The following MEGF8 variants were observed in gnomAD, a reference collection of about 807,000 sequenced individuals.
MEGF8 encodes multiple EGF like domains 8, also known as multiple epidermal growth factor-like domains protein 8.
A neutral mutation model predicts 302.9 loss-of-function variants in MEGF8; 156 were observed. The observed-to-expected ratio is 0.52, with a 90% CI of 0.45 to 0.59. The LOEUF (loss-of-function observed/expected upper bound fraction) is 0.59, where lower values mean the gene tolerates loss of function less well. Among genes scored for constraint, MEGF8 ranks in the 20% least tolerant of loss-of-function variants. The probability of loss-of-function intolerance (pLI) is 0.00; values close to 1 mark genes in which losing one functional copy is unlikely to be tolerated. For missense variants in MEGF8, 3,345 were observed against 3,964.5 expected (o/e 0.84, Z 4.20); for synonymous variants, 1,621 against 1,660.5 (o/e 0.98, Z 0.58).
chr19:42,342,745 C>T (rs887068167), intron 8 of MEGF8, among the ~76,000 whole-genome samples: 2 of 152,170 alleles, frequency 1.3e-5, no homozygotes, highest in African/African-American at 4.8e-5. Context: ...CCATTTCTCA[C>T]TCAATTTTTC....
At position 42,368,437 on chromosome 19, in the gene MEGF8, CCCCTCCCCCCCATA is replaced by C; in HGVS notation, c.6274-16_6274-3del. 2 of 1,463,080 alleles carry C rather than the reference CCCCTCCCCCCCATA, an allele frequency of 1.4e-6. No individual in the cohort carries two copies. The highest frequency in any genetic ancestry group is 9.4e-7 in the Non-Finnish European group (1 of 1,060,118). 90.6% of individuals were successfully genotyped at this position (1,463,080 alleles called of 1,614,324 possible). On this transcript the variant is annotated splice_region_variant and splice_polypyrimidine_tract_variant and intron_variant, in intron 35 of 41. Coordinates refer to ENST00000251268, the MANE Select transcript of MEGF8 (RefSeq NM_001271938.2). This position sits in a 1 kb window ranked among gnomAD's most constrained non-coding sequence, Gnocchi z 4.9. ...ATCTCTCTCTTCCCTGCATCCCCATCCCCTCCCCCCCATACAGTGTCTGAGCCCTTCCTACCTGC... is the reference window on the plus strand; with the variant it reads ...ATCTCTCTCTTCCCTGCATCCCCATCCAGTGTCTGAGCCCTTCCTACCTGC...
At position 42,354,896 on chromosome 19, in the gene MEGF8, C is replaced by A. The variant is rs897463063; in HGVS notation, c.4144+176C>A. Among the ~76,000 whole-genome samples the A allele has an allele frequency of 6.6e-6, 1 of 152,006 alleles. No homozygotes were observed. The highest frequency in any genetic ancestry group is 2.1e-4 in the South Asian group (1 of 4,810). On this transcript the variant is annotated intron_variant, in intron 23 of 41. Transcript: ENST00000251268. The surrounding 1 kb of genome is among the most constrained non-coding windows in gnomAD (Gnocchi z 4.3). ...AGTTGAGAGGAAAATAGGATTGCGC[C>A]GGCTGAGCTACGTCTGCAGAGAGAA...
In MEGF8 at chr19:42,376,004, C is replaced by A. The variant is rs1383975242; in HGVS notation, c.7767C>A (p.Val2589=). 5 of 1,606,234 alleles carry A rather than the reference C, an allele frequency of 3.1e-6. No homozygotes were observed. Among genetic ancestry groups the A allele is most frequent in the Non-Finnish European group, 4.2e-6 (5 of 1,177,976 alleles). Residue 2589 remains valine (V), a synonymous_variant, in exon 42 of 42, where the codon GTC becomes GTA. Coordinates refer to ENST00000251268, the MANE Select transcript of MEGF8 (RefSeq NM_001271938.2). This position sits in a 1 kb window ranked among gnomAD's most constrained non-coding sequence, Gnocchi z 8.2. ...CGGAGCCGTCGGCAGTGCTGGTGGTCCGCGGCGTGCGGGACCGGCTGGTCA... is the reference window on the plus strand; with the variant it reads ...CGGAGCCGTCGGCAGTGCTGGTGGTACGCGGCGTGCGGGACCGGCTGGTCA... ...TVTEPSAVLV[V]RGVRDRLVIT...
intron 34 of MEGF8, 104 bp downstream of exon 34, chr19:42,362,701 G>A (rs1196715388): frequency 1.5e-6 from 2 of 1,330,448 alleles, no homozygotes; most frequent in Admixed American, 1.8e-5. Flanking sequence ...TGAGGGAGGA[G>A]GGGCTGGGGG....
chr19:42,370,515 T>C (rs2039670610), intron 39 of MEGF8, 156 bp downstream of exon 39: 1 of 852,886 alleles, frequency 1.2e-6, no homozygotes, highest in Non-Finnish European at 1.7e-6. Flanking sequence ...GAGGTGGGGG[T>C]CTTGAACTCC....
At chr19:42,333,385 T>C (rs907698283) in intron 1 of MEGF8, among the ~76,000 whole-genome samples, 2 of 152,234 alleles carry the variant, frequency 1.3e-5, no homozygotes, top group African/African-American at 4.8e-5. Flanking sequence ...TGGAATATTA[T>C]GATTCTTTCT....
At position 42,336,474 on chromosome 19, in the gene MEGF8, G is replaced by A; in HGVS notation, c.1244+128G>A. On this transcript the variant is annotated intron_variant, in intron 6 of 41. Coordinates refer to ENST00000251268, the MANE Select transcript of MEGF8 (RefSeq NM_001271938.2). The surrounding 1 kb of genome is among the most constrained non-coding windows in gnomAD (Gnocchi z 4.8). ...GTCTCTCAGTCACTCCTTCCTTCAT[G>A]TATTTACTTATTCCTTCGTTCACTC... is the stretch of plus-strand genomic sequence containing the variant. The A allele has an allele frequency of 1.0e-6, 1 of 975,364 alleles. No individual in the cohort carries two copies. The highest frequency in any genetic ancestry group is 1.8e-5 in the South Asian group (1 of 54,712). 60.4% of individuals were successfully genotyped at this position (975,364 alleles called of 1,614,324 possible).
rs755969171 is a variant in MEGF8, at chr19:42,350,178, C to T, written c.2530C>T (p.Arg844Cys). The change falls in exon 15 of 42, where the codon CGC becomes TGC. Residue 844 changes from arginine to cysteine, a missense_variant. Coordinates refer to ENST00000251268, the MANE Select transcript of MEGF8 (RefSeq NM_001271938.2). ...CTCCTTCTTCTTCCTGGAGCCCTAC[C>T]GCTCGTCGTCCTGCACCTCCTATTC... ...EISFFFLEPY[R>C]SSSCTSYSSC... The T allele has an allele frequency of 1.1e-5, 17 of 1,613,096 alleles. No individual in the cohort carries two copies. The highest frequency in any genetic ancestry group is 3.3e-5 in the Admixed American group (2 of 59,954).
chr19:42,339,781 G>A (rs893857063), intron 8 of MEGF8, among the ~76,000 whole-genome samples: 32 of 152,256 alleles, frequency 2.1e-4, no homozygotes, highest in African/African-American at 7.5e-4. Flanking sequence ...ACTTAAGGCC[G>A]GGTGCAGTGG....
rs2038979397 is a variant in MEGF8 at position 42,326,055 on chromosome 19, C to G, written c.-189C>G. 1.0e-6 allele frequency: 1 copy of G among 960,756 alleles called. No individual in the cohort carries two copies. The highest frequency in any genetic ancestry group is 4.2e-5 in the Admixed American group (1 of 24,026). 59.5% of individuals were successfully genotyped at this position (960,756 alleles called of 1,614,324 possible). ...CCATCGCTCTATAGGGCTCAGCCCT[C>G]GGCTTCCAGAGCCTGTCAGCAGTGG... is the stretch of plus-strand genomic sequence containing the variant. On this transcript the variant is annotated 5_prime_UTR_variant, in exon 1 of 42. Coordinates refer to ENST00000251268, the MANE Select transcript of MEGF8 (RefSeq NM_001271938.2).
At chr19:42,343,148 G>A (rs1435624133) in intron 8 of MEGF8, among the ~76,000 whole-genome samples, 1 of 152,158 alleles carries the variant, frequency 6.6e-6, no homozygotes, top group Non-Finnish European at 1.5e-5. Flanking sequence ...TTATAGAGGA[G>A]GAAACCAAGA....
Position 42,357,540 on chromosome 19 carries a change from C to T in MEGF8, c.4967C>T (p.Thr1656Ile). Residue 1656 changes from threonine (T) to isoleucine (I), a missense_variant, in exon 28 of 42, where the codon ACC becomes ATC. By Grantham distance (89) the Thr-to-Ile change is moderately conservative. Coordinates refer to ENST00000251268, the MANE Select transcript of MEGF8 (RefSeq NM_001271938.2). This position sits in a 1 kb window ranked among gnomAD's most constrained non-coding sequence, Gnocchi z 5.2. Reference protein sequence around the residue: ...NQQLLEYQLATGTWVSGAQSG... With the variant: ...NQQLLEYQLAIGTWVSGAQSG... ...CAGCTGCTGGAGTACCAGCTGGCAA[C>T]CGGCACCTGGGTGTCAGGAGCCCAG... The T allele has an allele frequency of 6.2e-7, 1 of 1,613,204 alleles. No homozygotes were observed. Among genetic ancestry groups the T allele is most frequent in the South Asian group, 1.1e-5 (1 of 91,020 alleles).
At chr19:42,365,772 TAAAA>T (rs771190592) in intron 35 of MEGF8, among the ~76,000 whole-genome samples, 7,323 of 57,454 alleles carry the variant, frequency 0.13, 296 homozygotes, top group Middle Eastern at 0.24. Context: ...ACCCCGTCTC[TAAAA>T]AAAAAAAAAA....
In MEGF8 at chr19:42,353,693, C is replaced by T. The variant is rs777703110; in HGVS notation, c.3761+18C>T. On this transcript the variant is annotated intron_variant, in intron 21 of 41. Coordinates refer to ENST00000251268, the MANE Select transcript of MEGF8 (RefSeq NM_001271938.2). This position sits in a 1 kb window ranked among gnomAD's most constrained non-coding sequence, Gnocchi z 6.1. ...GATCCCCGGTGAGCCAACGGGCCAG[C>T]CAGGGCTGGGTAGGGTGTGCTTGGG... 6.3e-7 allele frequency: 1 copy of T among 1,576,282 alleles called. No individual in the cohort carries two copies. The highest frequency in any genetic ancestry group is 8.6e-7 in the Non-Finnish European group (1 of 1,156,172).
At chr19:42,343,083 GC>G (rs1371066864) in intron 8 of MEGF8, among the ~76,000 whole-genome samples, 1 of 152,168 alleles carries the variant, frequency 6.6e-6, no homozygotes, top group Non-Finnish European at 1.5e-5. Flanking sequence ...CCTACTGGGG[GC>G]TCAGCAGATT....
At chr19:42,371,289 G>A (rs1248884947) in intron 40 of MEGF8, 61 bp from the exon 41 acceptor site, 1 of 1,588,132 alleles carries the variant, frequency 6.3e-7, no homozygotes, top group African/African-American at 1.3e-5. Flanking sequence ...TCACATATGG[G>A]GTGTCCATCC....
intron 31 of MEGF8, among the ~76,000 whole-genome samples, chr19:42,360,292 C>T (rs984576228): frequency 6.6e-6 from 1 of 151,022 alleles, no homozygotes; most frequent in African/African-American, 2.4e-5. Context: ...CTCTCTCCCT[C>T]TCTTTTTTTT....
intron 14 of MEGF8, 70 bp downstream of exon 14, chr19:42,349,769 C>A: frequency 6.7e-7 from 1 of 1,483,910 alleles, no homozygotes; most frequent in Non-Finnish European, 9.2e-7. Flanking sequence ...GCTTTCTGAA[C>A]CCCAGGCCAC....
Position 42,362,330 on chromosome 19 carries a change from A to G in MEGF8, c.5845-54A>G, listed in dbSNP as rs934539264. 5.1e-5 allele frequency: 82 copies of G among 1,611,400 alleles called. 1 individual carries two copies. The highest frequency in any genetic ancestry group is 4.9e-4 in the Middle Eastern group (3 of 6,074). ...GGGTCTCAGGAACCACCGAGTTCTC[A>G]GCTGGCTCAGGAGGGGTGCTGAGGG... On this transcript the variant is annotated intron_variant, in intron 33 of 41. Coordinates refer to ENST00000251268, the MANE Select transcript of MEGF8 (RefSeq NM_001271938.2).
Sources: allele counts gnomAD v4.1 joint callset (sites outside exome capture counted in the v4.1 genomes callset), GRCh38; gene constraint gnomAD v4.1.1; non-coding constraint Gnocchi (gnomAD v3.1); transcripts MANE v1.5; gene names NCBI Gene and HGNC (gene_info 2026-07-23, HGNC 2026-07-21).